Variants in ZNF846 observed in about 807,000 individuals in gnomAD.
ZNF846 encodes the protein zinc finger protein 420 pseudogene.
ZNF846 carries 15 observed loss-of-function variants against 16.0 expected under a neutral mutation model. The observed-to-expected ratio is 0.94, with a 90% confidence interval of 0.63 to 1.45. The LOEUF (loss-of-function observed/expected upper bound fraction) is 1.45, where lower values mean the gene tolerates loss of function less well. ZNF846 is among the 40% of genes most tolerant of loss of function. The pLI is 0.00. For synonymous variants in ZNF846, 229 were observed against 212.0 expected, an observed-to-expected ratio of 1.08 and a Z score of -0.70; for missense variants, 714 against 622.3, an observed-to-expected ratio of 1.15 and a Z score of -1.57.
At chr19:9,783,056 G>T (rs144155923) in intron 1 of ZNF846, among the ~76,000 whole-genome samples, 201 of 151,672 alleles carry the variant, frequency 1.3e-3, no homozygotes, top group African/African-American at 4.4e-3. Flanking sequence ...CCAGTAGCAG[G>T]GACCATAGAT....
chr19:9,755,055 G>A (rs897705404), downstream of ZNF846, among the ~76,000 whole-genome samples: 9 of 151,008 alleles, frequency 6.0e-5, 1 homozygote, highest in Admixed American at 2.6e-4. Context: ...TAGTAGAGAC[G>A]GGGTTTCACC....
chr19:9,768,258 A>G (rs1008455298), intron 1 of ZNF846, 31 bp downstream of exon 1: 2 of 152,244 alleles, frequency 1.3e-5, no homozygotes, highest in Non-Finnish European at 2.9e-5. Flanking sequence ...GCCCTCCCAC[A>G]GCCAGATCAT....
chr19:9,760,713 A>AAT (rs2045212170), intron 4 of ZNF846, among the ~76,000 whole-genome samples: 1 of 151,232 alleles, frequency 6.6e-6, no homozygotes, highest in Non-Finnish European at 1.5e-5. Context: ...AAAAGAAAAA[A>AAT]ATATATATAT....
downstream of ZNF846, among the ~76,000 whole-genome samples, chr19:9,751,226 C>T (rs1268605455): frequency 6.6e-6 from 1 of 152,062 alleles, no homozygotes; most frequent in Non-Finnish European, 1.5e-5. Context: ...CACAATATCA[C>T]CCCTTACCCC....
intron 2 of ZNF846, chr19:9,764,733 G>A (rs2045287006): frequency 3.3e-6 from 2 of 609,878 alleles, no homozygotes; most frequent in African/African-American, 1.9e-5. Context: ...ACTGTGGGCT[G>A]CTGGCCAGAT....
downstream of ZNF846, among the ~76,000 whole-genome samples, chr19:9,754,269 C>A (rs985309570): frequency 4.0e-5 from 6 of 151,446 alleles, no homozygotes; most frequent in Non-Finnish European, 8.8e-5. Flanking sequence ...GTCTTTAGAT[C>A]TAAAGCGAAG....
At chr19:9,770,408 A>T (rs2045379757), upstream of ZNF846, among the ~76,000 whole-genome samples, 1 of 148,804 alleles carries the variant, frequency 6.7e-6, no homozygotes, top group African/African-American at 2.5e-5. Context: ...TCAGTACTTA[A>T]TTTTTTTTTA....
chr19:9,754,316 G>A (rs949565824), downstream of ZNF846, among the ~76,000 whole-genome samples: 16 of 151,520 alleles, frequency 1.1e-4, no homozygotes, highest in Admixed American at 7.9e-4. Flanking sequence ...TGTAATCCTA[G>A]CACTTTGGGA....
intron 3 of ZNF846, 79 bp downstream of exon 3, chr19:9,763,203 A>G: frequency 7.3e-7 from 1 of 1,376,298 alleles, no homozygotes; most frequent in Admixed American, 2.3e-5. Flanking sequence ...TGCTTATTAC[A>G]GTACCCTCAT....
intron 1 of ZNF846, chr19:9,774,634 T>A: frequency 6.9e-7 from 1 of 1,444,790 alleles, no homozygotes; most frequent in South Asian, 1.2e-5. Context: ...ACTCTCCATA[T>A]GATTAGGTGA....
downstream of ZNF846, among the ~76,000 whole-genome samples, chr19:9,748,661 C>T (rs1217844132): frequency 2.6e-5 from 4 of 151,532 alleles, no homozygotes; most frequent in African/African-American, 9.7e-5. Flanking sequence ...TTTGGTAGAA[C>T]TAATGGTCTT....
At position 9,780,363 on chromosome 19, in the gene ZNF846, C is replaced by G. The variant is rs182655504; in HGVS notation, c.-86+5575G>C. On this transcript the variant is annotated intron_variant, in intron 1 of 4. Coordinates refer to the ZNF846 transcript ENST00000586814. ...GGACTACAGGCATGTGCCACCACAC[C>G]CAGCAAGTTTCCCTTAGTTCTCTGA... Among the ~76,000 whole-genome samples the G allele has an allele frequency of 2.5e-3, 373 of 152,234 alleles. 4 individuals carry two copies. The highest frequency in any genetic ancestry group is 8.5e-3 in the African/African-American group (354 of 41,524).
chr19:9,782,538 C>CAA (rs1181872654), intron 1 of ZNF846, among the ~76,000 whole-genome samples: 2 of 152,176 alleles, frequency 1.3e-5, no homozygotes, highest in Non-Finnish European at 1.5e-5. Context: ...ACTGGGATTG[C>CAA]AGGCATGAGT....
At chr19:9,748,909 T>C (rs1488175820), downstream of ZNF846, among the ~76,000 whole-genome samples, 2 of 152,148 alleles carry the variant, frequency 1.3e-5, no homozygotes, top group Non-Finnish European at 2.9e-5. Context: ...CCTGCTAATC[T>C]TCTCTTGCCT....
At chr19:9,764,669 C>G (rs2045285774) in intron 2 of ZNF846, 3 of 486,926 alleles carry the variant, frequency 6.2e-6, no homozygotes, top group Non-Finnish European at 1.1e-5. Flanking sequence ...TTGTGTGTGT[C>G]TATTATTTCT....
At chr19:9,769,149 G>A (rs1186260494), upstream of ZNF846, among the ~76,000 whole-genome samples, 1 of 152,106 alleles carries the variant, frequency 6.6e-6, no homozygotes, top group African/African-American at 2.4e-5. Context: ...CAGTGGCTCG[G>A]TCATAGATCA....
At chr19:9,760,086 G>A in intron 4 of ZNF846, 144 bp from the exon 5 acceptor site, 1 of 570,396 alleles carries the variant, frequency 1.8e-6, no homozygotes, top group Non-Finnish European at 3.2e-6. Flanking sequence ...GAGGTTAGGA[G>A]TTCAAGACCA....
chr19:9,782,279 T>C (rs2045509614), intron 1 of ZNF846, among the ~76,000 whole-genome samples: 1 of 152,150 alleles, frequency 6.6e-6, no homozygotes, highest in Admixed American at 6.6e-5. Flanking sequence ...CTTTCTCTTT[T>C]TTATTAGACA....
rs1363342229 is a variant in ZNF846 at position 9,757,630 on chromosome 19, A to T, written c.1447T>A (p.Cys483Ser). ...GTGGAATACCTGAAGGCTTTCCCAC[A>T]TTCTTTACATGCATAAGGCTTTTCT... Residue 483 changes from cysteine to serine, a missense_variant, in exon 6 of 6, where the codon TGT becomes AGT. Physicochemically the swap from Cys to Ser is moderately radical, Grantham distance 112 (BLOSUM62 -1). Coordinates refer to ENST00000397902, the Ensembl canonical transcript of ZNF846. The T allele has an allele frequency of 5.0e-6, 8 of 1,613,530 alleles. No individual in the cohort carries two copies. The East Asian group carries it at 1.8e-4, about 36-fold the overall frequency.
Sources: allele counts gnomAD v4.1 joint callset (sites outside exome capture counted in the v4.1 genomes callset), GRCh38; gene constraint gnomAD v4.1.1; transcripts MANE v1.5; gene names NCBI Gene and HGNC (gene_info 2026-07-23, HGNC 2026-07-21).